RHOH: variants seen among roughly 807,000 people sequenced by gnomAD.
RHOH encodes the protein ras homolog family member H.
In RHOH, 6 loss-of-function variants were observed where a neutral mutation model predicts 13.8. The observed-to-expected ratio is 0.44, with a 90% confidence interval of 0.24 to 0.86. The LOEUF (loss-of-function observed/expected upper bound fraction) is 0.86, where lower values mean the gene tolerates loss of function less well. Among genes scored for constraint, RHOH ranks in the 40% least tolerant of loss-of-function variants. The pLI is 0.24. For missense variants in RHOH, 147 were observed against 244.5 expected (o/e 0.60, Z 2.66); for synonymous variants, 117 against 103.0 (o/e 1.14, Z -0.82).
upstream of RHOH, among the ~76,000 whole-genome samples, chr4:40,196,739 T>C (rs1382174736): frequency 6.7e-6 from 1 of 149,638 alleles, no homozygotes. Flanking sequence ...GAGGAATCAT[T>C]TGGACTCTTC....
chr4:40,199,137 A>G (rs139614745), intron 1 of RHOH, among the ~76,000 whole-genome samples: 1 of 152,216 alleles, frequency 6.6e-6, no homozygotes, highest in Non-Finnish European at 1.5e-5. Flanking sequence ...CTCTAATAAC[A>G]GTAATAATAA....
chr4:40,216,654 C>G (rs2109429441), intron 1 of RHOH, among the ~76,000 whole-genome samples: 1 of 152,164 alleles, frequency 6.6e-6, no homozygotes, highest in East Asian at 1.9e-4. Context: ...TTAGGGCAAG[C>G]ATTTAAAAAA....
rs1369210313 is a variant in RHOH at position 40,238,317 on chromosome 4, G to C, written c.-330-4397G>C. Among the ~76,000 whole-genome samples, 3 of 152,210 alleles carry C rather than the reference G, an allele frequency of 2.0e-5. No individual in the cohort carries two copies. In the East Asian group the frequency reaches 5.8e-4, roughly 29 times the overall value. On this transcript the variant is annotated intron_variant, in intron 1 of 2. Transcript: ENST00000381799. Reference sequence around the variant, plus strand: ...AAGAGCAGGTCTTTCCAGCCAATAGGATGGCACAGAGCGAGCCTGTGGAGG... The same window carrying C: ...AAGAGCAGGTCTTTCCAGCCAATAGCATGGCACAGAGCGAGCCTGTGGAGG...
intron 1 of RHOH, among the ~76,000 whole-genome samples, chr4:40,217,847 C>T (rs1044133627): frequency 5.9e-5 from 9 of 152,122 alleles, no homozygotes; most frequent in Non-Finnish European, 1.2e-4. Context: ...TCAAACATGT[C>T]GATAATAGCT....
chr4:40,217,473 T>C (rs1726023513), intron 1 of RHOH, among the ~76,000 whole-genome samples: 1 of 152,228 alleles, frequency 6.6e-6, no homozygotes. Context: ...AGTATGAGCA[T>C]TGTTAAAATC....
At chr4:40,230,002 A>G (rs2109503928) in intron 1 of RHOH, among the ~76,000 whole-genome samples, 1 of 152,278 alleles carries the variant, frequency 6.6e-6, no homozygotes, top group African/African-American at 2.4e-5. Context: ...TCTAATACCC[A>G]GGCCATATTC....
At chr4:40,233,046 T>G (rs1159134258) in intron 1 of RHOH, among the ~76,000 whole-genome samples, 1 of 152,178 alleles carries the variant, frequency 6.6e-6, no homozygotes, top group Non-Finnish European at 1.5e-5. Flanking sequence ...GGCACTGTTT[T>G]AGGCTCATGA....
At chr4:40,196,243 C>T (rs765145917), upstream of RHOH, among the ~76,000 whole-genome samples, 2 of 152,206 alleles carry the variant, frequency 1.3e-5, no homozygotes, top group African/African-American at 2.4e-5. Context: ...AAGCTATCAC[C>T]GTGAGCAGTA....
intron 1 of RHOH, among the ~76,000 whole-genome samples, chr4:40,234,805 G>T (rs1346478776): frequency 7.3e-6 from 1 of 137,164 alleles, no homozygotes; most frequent in East Asian, 2.1e-4. Context: ...GCCCAGGCTG[G>T]CATTGAACTC....
intron 2 of RHOH, 111 bp downstream of exon 2, chr4:40,242,945 TTG>T (rs58807335): frequency 0.013 from 1,933 of 143,600 alleles, 24 homozygotes; most frequent in African/African-American, 0.036. Context: ...CGGGAGGCAT[TTG>T]TGTGTGTGTG....
chr4:40,192,999 G>T (rs532521682), upstream of RHOH: 1 of 152,528 alleles, frequency 6.6e-6, no homozygotes, highest in African/African-American at 2.4e-5. Flanking sequence ...CTGTGAGGCT[G>T]TGAGATGGGA....
At chr4:40,191,149 A>G (rs996360676), upstream of RHOH, 1 of 152,176 alleles carries the variant, frequency 6.6e-6, no homozygotes, top group Non-Finnish European at 1.5e-5. Flanking sequence ...GTCATTCCCT[A>G]GGAGCTCGGG....
At chr4:40,228,856 C>G (rs1234079728) in intron 1 of RHOH, among the ~76,000 whole-genome samples, 3 of 152,170 alleles carry the variant, frequency 2.0e-5, no homozygotes, top group Non-Finnish European at 4.4e-5. Context: ...TGCATTTTCA[C>G]TCTTGAGTTT....
intron 1 of RHOH, among the ~76,000 whole-genome samples, chr4:40,207,827 C>T (rs1463352421): frequency 6.6e-6 from 1 of 152,132 alleles, no homozygotes; most frequent in Non-Finnish European, 1.5e-5. Context: ...ATTAGCCAGG[C>T]GTGGTTGCTC....
chr4:40,192,185 G>A (rs190351953), upstream of RHOH, among the ~76,000 whole-genome samples: 61 of 152,282 alleles, frequency 4.0e-4, no homozygotes, highest in African/African-American at 1.5e-3. Flanking sequence ...ATCCAGTGGG[G>A]AGCTGGGTGA....
At chr4:40,211,263 T>TTTTA (rs1480857869) in intron 1 of RHOH, among the ~76,000 whole-genome samples, 2 of 152,064 alleles carry the variant, frequency 1.3e-5, no homozygotes, top group Non-Finnish European at 2.9e-5. Context: ...TTTTTTTAAA[T>TTTTA]TTTATTTATT....
At chr4:40,227,978 G>T (rs1727450800) in intron 1 of RHOH, among the ~76,000 whole-genome samples, 1 of 151,884 alleles carries the variant, frequency 6.6e-6, no homozygotes, top group Admixed American at 6.6e-5. Context: ...TCCAGCAGTT[G>T]CTCTCATATC....
At chr4:40,227,732 T>G (rs1727421781) in intron 1 of RHOH, among the ~76,000 whole-genome samples, 1 of 152,118 alleles carries the variant, frequency 6.6e-6, no homozygotes, top group Non-Finnish European at 1.5e-5. Context: ...TTAAAAGTCA[T>G]TAAGAAACAA....
intron 1 of RHOH, among the ~76,000 whole-genome samples, chr4:40,204,633 C>G (rs1724424801): frequency 6.6e-6 from 1 of 152,154 alleles, no homozygotes; most frequent in Non-Finnish European, 1.5e-5. Context: ...GTGAGGAGCT[C>G]TGCCCTCAGC....
Sources: allele counts gnomAD v4.1 joint callset (sites outside exome capture counted in the v4.1 genomes callset), GRCh38; gene constraint gnomAD v4.1.1; transcripts MANE v1.5; gene names NCBI Gene and HGNC (gene_info 2026-07-23, HGNC 2026-07-21).